The following MICU1 variants were observed in gnomAD, a reference collection of about 807,000 sequenced individuals.
MICU1 encodes mitochondrial calcium uptake 1, also known as calcium uptake protein 1, mitochondrial.
In MICU1, 45 loss-of-function variants were observed where a neutral mutation model predicts 56.8. The ratio of observed to expected loss-of-function variants is 0.79; its 90% CI spans 0.62 to 1.02. The LOEUF is 1.02. Among genes scored for constraint, MICU1 ranks in the 50% least tolerant of loss-of-function variants. The probability of loss-of-function intolerance (pLI) is 0.00; values close to 1 mark genes in which losing one functional copy is unlikely to be tolerated. For missense variants in MICU1, 504 were observed against 587.1 expected, an observed-to-expected ratio of 0.86 and a Z score of 1.46; for synonymous variants, 186 against 195.1, an observed-to-expected ratio of 0.95 and a Z score of 0.39.
At chr10:72,373,359 T>C (rs1862411357) in intron 11 of MICU1, among the ~76,000 whole-genome samples, 1 of 152,034 alleles carries the variant, frequency 6.6e-6, no homozygotes. Context: ...TTATTTTTTG[T>C]AGCGATGGGA....
intron 8 of MICU1, among the ~76,000 whole-genome samples, chr10:72,462,553 G>A (rs983816288): frequency 1.2e-4 from 19 of 152,166 alleles, no homozygotes; most frequent in African/African-American, 4.6e-4. Flanking sequence ...ACAGAAGTCT[G>A]TAGCCACGGA....
At chr10:72,615,683 C>T (rs542604793) in intron 1 of MICU1, among the ~76,000 whole-genome samples, 3 of 152,130 alleles carry the variant, frequency 2.0e-5, no homozygotes, top group African/African-American at 7.2e-5. Context: ...CCTTCCATGT[C>T]TCTATTTAAC....
intron 8 of MICU1, among the ~76,000 whole-genome samples, chr10:72,452,783 T>C (rs758265731): frequency 9.2e-5 from 14 of 152,196 alleles, no homozygotes; most frequent in Non-Finnish European, 1.2e-4. Context: ...AGCTATCTCA[T>C]AAATAGGGTT....
intron 8 of MICU1, among the ~76,000 whole-genome samples, chr10:72,470,327 A>G (rs556042849): frequency 2.0e-5 from 3 of 152,344 alleles, no homozygotes; most frequent in Non-Finnish European, 2.9e-5. Flanking sequence ...GATGTCATCA[A>G]TAAGAAGGTA....
At chr10:72,520,268 T>C (rs1273701390) in intron 5 of MICU1, among the ~76,000 whole-genome samples, 1 of 152,160 alleles carries the variant, frequency 6.6e-6, no homozygotes, top group Non-Finnish European at 1.5e-5. Context: ...GGTGCATGGA[T>C]TGATGCCAAA....
At chr10:72,538,623 C>T (rs1839693380) in intron 4 of MICU1, among the ~76,000 whole-genome samples, 1 of 151,746 alleles carries the variant, frequency 6.6e-6, no homozygotes, top group Admixed American at 6.6e-5. Flanking sequence ...TTAAAATATA[C>T]TACCAGAGAA....
chr10:72,435,255 C>G (rs1864670174), intron 8 of MICU1, among the ~76,000 whole-genome samples: 1 of 151,310 alleles, frequency 6.6e-6, no homozygotes, highest in African/African-American at 2.4e-5. Flanking sequence ...GGGCATGGTA[C>G]CATGTGCCTG....
chr10:72,488,287 G>A (rs960446897), intron 6 of MICU1, among the ~76,000 whole-genome samples: 2 of 151,332 alleles, frequency 1.3e-5, no homozygotes, highest in African/African-American at 4.9e-5. Flanking sequence ...ATAAAAACTT[G>A]AAAAAGTACT....
intron 1 of MICU1, among the ~76,000 whole-genome samples, chr10:72,622,586 G>GT (rs572608913): frequency 4.6e-5 from 7 of 152,216 alleles, no homozygotes; most frequent in Admixed American, 1.3e-4. Context: ...GTTGAAGGAA[G>GT]TAAGCCTAGT....
intron 6 of MICU1, chr10:72,483,864 AC>A (rs1218637374): frequency 6.6e-6 from 1 of 152,246 alleles, no homozygotes; most frequent in African/African-American, 2.4e-5. Flanking sequence ...CAGAAAAACA[AC>A]AAAAAACAAA....
chr10:72,399,669 G>C (rs898280489), intron 10 of MICU1, among the ~76,000 whole-genome samples: 1 of 151,436 alleles, frequency 6.6e-6, no homozygotes. Context: ...TAAAAAATAA[G>C]AATAAATTTG....
chr10:72,455,350 CAAAAAAAAAA>C lies in MICU1; in HGVS notation c.933+19740_933+19749del, dbSNP rs56378605. Reference sequence around the variant, plus strand: ...GGGAAACAAGAGCAAGACTCTGTCTCAAAAAAAAAAAAAAAAAAAAAAAAAAGATCAAAGT... The same window carrying C: ...GGGAAACAAGAGCAAGACTCTGTCTCAAAAAAAAAAAAAAAAGATCAAAGT... On this transcript the variant is annotated intron_variant, in intron 8 of 11. Coordinates refer to ENST00000361114, the MANE Select transcript of MICU1 (RefSeq NM_001195518.2). Among the ~76,000 whole-genome samples, 6 of 44,212 alleles carry C rather than the reference CAAAAAAAAAA, an allele frequency of 1.4e-4. No individual in the cohort carries two copies. In the East Asian group the frequency reaches 7.8e-3, roughly 58 times the overall value. 29.0% of individuals were successfully genotyped at this position (44,212 alleles called of 152,430 possible). A position where few individuals can be genotyped will look rare whatever the true frequency, so the allele number is the denominator to read the frequency against.
chr10:72,479,290 G>A (rs1866216729), intron 6 of MICU1, among the ~76,000 whole-genome samples: 1 of 152,104 alleles, frequency 6.6e-6, no homozygotes, highest in Non-Finnish European at 1.5e-5. Flanking sequence ...TGAACATAGA[G>A]GTACTTAAAA....
intron 1 of MICU1, among the ~76,000 whole-genome samples, chr10:72,586,013 CTTT>C (rs71021511): frequency 2.7e-5 from 2 of 74,682 alleles, no homozygotes; most frequent in Admixed American, 2.0e-4. Context: ...TTTTTTTTTT[CTTT>C]TTTTTTTTTT....
At chr10:72,505,412 T>G (rs140502369) in intron 6 of MICU1, among the ~76,000 whole-genome samples, 14 of 152,304 alleles carry the variant, frequency 9.2e-5, no homozygotes, top group Non-Finnish European at 1.8e-4. Flanking sequence ...ACGATTTCTC[T>G]AAGAACTACA....
chr10:72,557,510 G>A (rs1233715165), intron 3 of MICU1, among the ~76,000 whole-genome samples: 2 of 152,170 alleles, frequency 1.3e-5, no homozygotes, highest in African/African-American at 2.4e-5. Context: ...TCACTGAAAT[G>A]ACACAATAAC....
chr10:72,490,130 C>G (rs115576036), intron 6 of MICU1, among the ~76,000 whole-genome samples: 1 of 152,202 alleles, frequency 6.6e-6, no homozygotes, highest in Admixed American at 6.5e-5. Flanking sequence ...CATTTACACA[C>G]AGGACTTAAG....
At chr10:72,609,463 G>A (rs1589387810) in intron 1 of MICU1, among the ~76,000 whole-genome samples, 2 of 152,064 alleles carry the variant, frequency 1.3e-5, no homozygotes, top group African/African-American at 2.4e-5. Flanking sequence ...GGCCAGGCAC[G>A]GAGACTCACG....
rs1195103858 is a variant in MICU1, at chr10:72,590,294, G to A, written c.-1-23500C>T. ...AACAAATAGACTTTAAATCAAAAAA[G>A]TTTACAAGAGACAAAAAAGCACATT... On this transcript the variant is annotated intron_variant, in intron 1 of 11. Transcript: ENST00000361114. 2.0e-5 allele frequency among the ~76,000 whole-genome samples: 3 copies of A among 152,126 alleles called. No homozygotes were observed. The East Asian group carries it at 5.8e-4, about 29-fold the overall frequency.
Sources: allele counts gnomAD v4.1 joint callset (sites outside exome capture counted in the v4.1 genomes callset), GRCh38; gene constraint gnomAD v4.1.1; transcripts MANE v1.5; gene names NCBI Gene and HGNC (gene_info 2026-07-23, HGNC 2026-07-21).